The following SLC8A1 variants were observed in gnomAD, a reference collection of about 807,000 sequenced individuals.
SLC8A1 encodes the protein sodium/calcium exchanger 1.
A neutral mutation model predicts 68.3 loss-of-function variants in SLC8A1; 18 were observed. That is an observed-to-expected ratio of 0.26 (90% confidence interval 0.18 to 0.39). The LOEUF is 0.39. Among genes scored for constraint, SLC8A1 ranks in the 10% least tolerant of loss-of-function variants. The pLI, the probability that SLC8A1 is intolerant of heterozygous loss-of-function variation, is 1.00. For missense variants in SLC8A1, 985 were observed against 1,156.7 expected (o/e 0.85, Z 2.15); for synonymous variants, 475 against 415.5 (o/e 1.14, Z -1.74).
At chr2:40,341,500 T>A (rs892922988) in intron 2 of SLC8A1, among the ~76,000 whole-genome samples, 1 of 152,216 alleles carries the variant, frequency 6.6e-6, no homozygotes, top group African/African-American at 2.4e-5. Context: ...GTTCCTTCTG[T>A]GGCTTTGTTG....
intron 2 of SLC8A1, among the ~76,000 whole-genome samples, chr2:40,207,021 T>C (rs944835749): frequency 6.6e-6 from 1 of 152,070 alleles, no homozygotes; most frequent in African/African-American, 2.4e-5. Context: ...CCTTATGATG[T>C]ATGAAAAAGA....
At chr2:40,344,538 C>T (rs1434098901) in intron 2 of SLC8A1, among the ~76,000 whole-genome samples, 1 of 152,154 alleles carries the variant, frequency 6.6e-6, no homozygotes, top group Non-Finnish European at 1.5e-5. Flanking sequence ...GACACCCAGA[C>T]TCACTGTTTA....
At chr2:40,414,817 A>G (rs1021334217) in intron 2 of SLC8A1, among the ~76,000 whole-genome samples, 1 of 152,206 alleles carries the variant, frequency 6.6e-6, no homozygotes, top group Admixed American at 6.5e-5. Flanking sequence ...CTACAGATCA[A>G]TATTGTTCTA....
At chr2:40,345,439 A>G (rs993113764) in intron 2 of SLC8A1, among the ~76,000 whole-genome samples, 10 of 152,276 alleles carry the variant, frequency 6.6e-5, no homozygotes, top group African/African-American at 2.4e-4. Flanking sequence ...TGTGAGCAAC[A>G]AAGCTCAAGA....
chr2:40,460,507 A>G (rs550079589), intron 1 of SLC8A1, among the ~76,000 whole-genome samples: 1 of 152,348 alleles, frequency 6.6e-6, no homozygotes, highest in South Asian at 2.1e-4. Context: ...GTGATTAAAA[A>G]AATGAATTAG....
chr2:40,316,100 C>G (rs2074412137), intron 2 of SLC8A1, among the ~76,000 whole-genome samples: 1 of 152,084 alleles, frequency 6.6e-6, no homozygotes, highest in Admixed American at 6.6e-5. Flanking sequence ...ACAAGACAAC[C>G]TCTGTGGGTA....
At chr2:40,308,274 T>C (rs189022684) in intron 2 of SLC8A1, among the ~76,000 whole-genome samples, 73 of 152,320 alleles carry the variant, frequency 4.8e-4, no homozygotes, top group African/African-American at 1.7e-3. Flanking sequence ...TGATATAAAC[T>C]TAATAGGATA....
intron 2 of SLC8A1, among the ~76,000 whole-genome samples, chr2:40,344,121 A>C (rs530315942): frequency 4.6e-5 from 7 of 152,270 alleles, no homozygotes; most frequent in Admixed American, 3.3e-4. Flanking sequence ...GGCCATAGAG[A>C]AGTCATTTTT....
At chr2:40,218,901 C>T (rs923476631) in intron 2 of SLC8A1, among the ~76,000 whole-genome samples, 3 of 152,104 alleles carry the variant, frequency 2.0e-5, no homozygotes, top group Non-Finnish European at 2.9e-5. Flanking sequence ...GTGTGCCCAA[C>T]GTTTGTGGCA....
chr2:40,380,050 T>C (rs1681227953), intron 2 of SLC8A1, among the ~76,000 whole-genome samples: 2 of 152,180 alleles, frequency 1.3e-5, no homozygotes, highest in South Asian at 4.1e-4. Context: ...TCATAATGTC[T>C]ACAATGAAAA....
chr2:40,163,737 C>T (rs985061876), intron 5 of SLC8A1, among the ~76,000 whole-genome samples: 3 of 152,180 alleles, frequency 2.0e-5, no homozygotes, highest in African/African-American at 7.2e-5. Flanking sequence ...CAGACAGATT[C>T]TCAGTGGCCT....
Position 40,419,257 on chromosome 2 carries a change from T to A in SLC8A1, c.1808+9216A>T, listed in dbSNP as rs572947336. Among the ~76,000 whole-genome samples the A allele has an allele frequency of 2.6e-5, 4 of 152,296 alleles. No homozygotes were observed. In the South Asian group the frequency reaches 8.3e-4, roughly 32 times the overall value. ...GCTACTTCTGGCTTCTCAAACACACTCAGGCACGTACACTTGATTTCAAGG... is the reference window on the plus strand; with the variant it reads ...GCTACTTCTGGCTTCTCAAACACACACAGGCACGTACACTTGATTTCAAGG... On this transcript the variant is annotated intron_variant, in intron 2 of 7. Coordinates refer to ENST00000406785, the Ensembl canonical transcript of SLC8A1.
At chr2:40,500,795 C>CTTTTTTTTTTTTTT (rs1191619172) in intron 1 of SLC8A1, among the ~76,000 whole-genome samples, 1 of 37,262 alleles carries the variant, frequency 2.7e-5, no homozygotes. Flanking sequence ...TATCATCTGA[C>CTTTTTTTTTTTTTT]TTTTTTTTTT....
intron 2 of SLC8A1, among the ~76,000 whole-genome samples, chr2:40,369,054 C>G (rs990761174): frequency 6.6e-6 from 1 of 152,052 alleles, no homozygotes; most frequent in Non-Finnish European, 1.5e-5. Context: ...GGATTAAAGA[C>G]TTAAATGTAA....
At chr2:40,432,920 C>A (rs192505382) in intron 1 of SLC8A1, among the ~76,000 whole-genome samples, 2 of 151,984 alleles carry the variant, frequency 1.3e-5, no homozygotes, top group East Asian at 1.9e-4. Context: ...CAAAATGGTA[C>A]AGAAGATATT....
At chr2:40,246,369 G>C (rs1319677828) in intron 2 of SLC8A1, among the ~76,000 whole-genome samples, 1 of 152,178 alleles carries the variant, frequency 6.6e-6, no homozygotes. Context: ...GCAACTTTTG[G>C]CCAGAGTCAA....
chr2:40,135,076 A>G (rs2040231402), intron 7 of SLC8A1, among the ~76,000 whole-genome samples: 1 of 152,154 alleles, frequency 6.6e-6, no homozygotes, highest in South Asian at 2.1e-4. Context: ...ATCCAAAGAA[A>G]GGAATGAGCT....
chr2:40,300,848 A>G (rs926812373), intron 2 of SLC8A1, among the ~76,000 whole-genome samples: 1 of 152,200 alleles, frequency 6.6e-6, no homozygotes, highest in Admixed American at 6.5e-5. Flanking sequence ...AGGACAAAGT[A>G]TTTAACCAAA....
chr2:40,509,537 G>A (rs1706578870), intron 1 of SLC8A1, among the ~76,000 whole-genome samples: 1 of 147,190 alleles, frequency 6.8e-6, no homozygotes, highest in East Asian at 2.0e-4. Context: ...CCAGGCTTCT[G>A]GAAGTGTACA....
Sources: allele counts gnomAD v4.1 joint callset (sites outside exome capture counted in the v4.1 genomes callset), GRCh38; gene constraint gnomAD v4.1.1; transcripts MANE v1.5; gene names NCBI Gene and HGNC (gene_info 2026-07-23, HGNC 2026-07-21).